Variants in TMEM132D observed in about 807,000 individuals in gnomAD.
TMEM132D encodes the protein transmembrane protein 132D.
In TMEM132D, 21 loss-of-function variants were observed where a neutral mutation model predicts 62.3. That is an observed-to-expected ratio of 0.34 (90% CI 0.24 to 0.49). The LOEUF (loss-of-function observed/expected upper bound fraction) is 0.49, where lower values mean the gene tolerates loss of function less well. Ranked by LOEUF, TMEM132D falls within the 20% of genes least tolerant of loss-of-function variation. The probability of loss-of-function intolerance (pLI) is 0.99; values close to 1 mark genes in which losing one functional copy is unlikely to be tolerated. For synonymous variants in TMEM132D, 621 were observed against 575.6 expected (o/e 1.08, Z -1.13); for missense variants, 1,346 against 1,402.8 (o/e 0.96, Z 0.65).
chr12:129,400,887 T>C (rs999163195), intron 3 of TMEM132D, among the ~76,000 whole-genome samples: 11 of 152,196 alleles, frequency 7.2e-5, no homozygotes, highest in South Asian at 4.1e-4. Flanking sequence ...TTAGAAAGTA[T>C]TCAATGAAGA....
At chr12:129,834,782 A>G (rs1351780544) in intron 1 of TMEM132D, among the ~76,000 whole-genome samples, 2 of 152,206 alleles carry the variant, frequency 1.3e-5, no homozygotes, top group African/African-American at 4.8e-5. Context: ...ACCATTTTGA[A>G]GTGGAAACCA....
At chr12:129,741,523 T>C (rs1225255244) in intron 1 of TMEM132D, among the ~76,000 whole-genome samples, 1 of 152,124 alleles carries the variant, frequency 6.6e-6, no homozygotes, top group African/African-American at 2.4e-5. Flanking sequence ...AAAGAATCAA[T>C]AGTATACTGA....
intron 4 of TMEM132D, among the ~76,000 whole-genome samples, chr12:129,268,140 T>C (rs1880746600): frequency 6.6e-6 from 1 of 152,162 alleles, no homozygotes; most frequent in Admixed American, 6.5e-5. Context: ...ACTTCAAGTC[T>C]AAAACACCAA....
intron 5 of TMEM132D, among the ~76,000 whole-genome samples, chr12:129,207,518 G>A (rs1009204582): frequency 6.6e-6 from 1 of 152,192 alleles, no homozygotes. Context: ...AGGCCTTGGG[G>A]AGAAGATGAG....
At chr12:129,420,306 G>GGTTTTTTTTTTTT (rs1457529737) in intron 3 of TMEM132D, among the ~76,000 whole-genome samples, 14 of 112,296 alleles carry the variant, frequency 1.2e-4, no homozygotes, top group Middle Eastern at 4.7e-3. Flanking sequence ...CACGTTCTCT[G>GGTTTTTTTTTTTT]TTTTTTTTTT....
chr12:129,637,780 G>T (rs1187934251), intron 2 of TMEM132D, among the ~76,000 whole-genome samples: 2 of 152,182 alleles, frequency 1.3e-5, no homozygotes, highest in South Asian at 4.1e-4. Context: ...GGTGCAAGGG[G>T]AGCAGGGTCT....
At chr12:129,410,824 G>A (rs2135705709) in intron 3 of TMEM132D, among the ~76,000 whole-genome samples, 1 of 152,224 alleles carries the variant, frequency 6.6e-6, no homozygotes, top group Non-Finnish European at 1.5e-5. Context: ...TTGTCTCATG[G>A]GGTTTGTGGT....
chr12:129,404,413 T>A (rs1176417106), intron 3 of TMEM132D, among the ~76,000 whole-genome samples: 1 of 152,086 alleles, frequency 6.6e-6, no homozygotes, highest in East Asian at 1.9e-4. Flanking sequence ...GCCAGGCTGG[T>A]CTCGAACTCC....
chr12:129,663,574 A>T (rs143708462), intron 2 of TMEM132D, among the ~76,000 whole-genome samples: 1 of 152,340 alleles, frequency 6.6e-6, no homozygotes, highest in Non-Finnish European at 1.5e-5. Context: ...TGGAGATTTT[A>T]ACTGGACACA....
intron 4 of TMEM132D, among the ~76,000 whole-genome samples, chr12:129,275,067 GC>G (rs1356905669): frequency 6.6e-6 from 1 of 152,072 alleles, no homozygotes; most frequent in Non-Finnish European, 1.5e-5. Context: ...ATTCCTTGAG[GC>G]CAGGAGTTTA....
chr12:129,358,622 C>A (rs1190154257), intron 3 of TMEM132D, among the ~76,000 whole-genome samples: 2 of 152,164 alleles, frequency 1.3e-5, no homozygotes, highest in African/African-American at 4.8e-5. Flanking sequence ...AATAAACAAT[C>A]ACATCAACCA....
At chr12:129,360,127 G>A (rs1390400739) in intron 3 of TMEM132D, among the ~76,000 whole-genome samples, 2 of 152,104 alleles carry the variant, frequency 1.3e-5, no homozygotes, top group African/African-American at 4.8e-5. Flanking sequence ...CATGCTGCAG[G>A]ACACCTGTCA....
intron 4 of TMEM132D, among the ~76,000 whole-genome samples, chr12:129,313,087 G>C (rs1882021147): frequency 1.3e-5 from 2 of 152,204 alleles, no homozygotes; most frequent in Admixed American, 6.5e-5. Flanking sequence ...ACACTAGCTT[G>C]AAATGCTTAC....
At chr12:129,667,125 C>T (rs1358631852) in intron 2 of TMEM132D, among the ~76,000 whole-genome samples, 8 of 152,008 alleles carry the variant, frequency 5.3e-5, no homozygotes, top group African/African-American at 1.4e-4. Flanking sequence ...GGCCCATGTC[C>T]GAATAACAGG....
At chr12:129,775,833 T>C (rs1743075816) in intron 1 of TMEM132D, among the ~76,000 whole-genome samples, 1 of 152,146 alleles carries the variant, frequency 6.6e-6, no homozygotes, top group South Asian at 2.1e-4. Flanking sequence ...GAGTCCCAAA[T>C]ATGGTGAAAA....
At chr12:129,714,113 AG>A (rs1385880015) in intron 1 of TMEM132D, among the ~76,000 whole-genome samples, 2 of 152,134 alleles carry the variant, frequency 1.3e-5, no homozygotes, top group Non-Finnish European at 2.9e-5. Flanking sequence ...CACTGAACTC[AG>A]TCCTGCCCCC....
At chr12:129,506,820 A>T (rs940936527) in intron 3 of TMEM132D, among the ~76,000 whole-genome samples, 5 of 152,228 alleles carry the variant, frequency 3.3e-5, no homozygotes, top group African/African-American at 1.2e-4. Context: ...ATGACTAAGA[A>T]CCCAAAAGCA....
chr12:129,388,958 T>C (rs1467398095), intron 3 of TMEM132D, among the ~76,000 whole-genome samples: 2 of 123,020 alleles, frequency 1.6e-5, no homozygotes, highest in Non-Finnish European at 3.6e-5. Flanking sequence ...CTGATGATAA[T>C]ATTAACACCA....
At chr12:129,142,515 A>G (rs564958224) in intron 5 of TMEM132D, among the ~76,000 whole-genome samples, 23 of 152,334 alleles carry the variant, frequency 1.5e-4, no homozygotes, top group African/African-American at 5.5e-4. Context: ...AAGATCTGAT[A>G]TAGTAGACTT....
Sources: gnomAD v4.1 joint callset for allele counts (sites outside exome capture counted in the v4.1 genomes callset) on GRCh38, gnomAD v4.1.1 for gene constraint, MANE v1.5 for transcripts, NCBI Gene and HGNC (gene_info 2026-07-23, HGNC 2026-07-21) for gene names.